Variants in ECT2 observed in about 807,000 individuals in gnomAD.
ECT2 encodes protein ECT2.
A neutral mutation model predicts 116.9 loss-of-function variants in ECT2; 61 were observed. That is an observed-to-expected ratio of 0.52 (90% CI 0.42 to 0.65). The LOEUF (loss-of-function observed/expected upper bound fraction) is 0.65. ECT2 is among the 30% of genes least tolerant of loss of function. The probability of loss-of-function intolerance (pLI) is 0.00; values close to 1 mark genes in which losing one functional copy is unlikely to be tolerated. For missense variants in ECT2, 937 were observed against 1,078.7 expected (o/e 0.87, Z 1.84); for synonymous variants, 358 against 346.4 (o/e 1.03, Z -0.37).
At chr3:172,764,706 G>A (rs191988260) in intron 12 of ECT2, among the ~76,000 whole-genome samples, 49 of 152,230 alleles carry the variant, frequency 3.2e-4, no homozygotes, top group Admixed American at 2.8e-3. Context: ...TGCTTTATAC[G>A]TTTTGTGTGT....
chr3:172,783,634 C>G (rs575406004), intron 15 of ECT2, among the ~76,000 whole-genome samples, 165 bp from the exon 16 acceptor site: 5 of 152,150 alleles, frequency 3.3e-5, no homozygotes, highest in African/African-American at 9.6e-5. Context: ...TAACTCTTTA[C>G]TGAGAAATTT....
At chr3:172,809,313 TATA>T (rs1728328554) in intron 22 of ECT2, among the ~76,000 whole-genome samples, 2 of 152,086 alleles carry the variant, frequency 1.3e-5, no homozygotes, top group Admixed American at 1.3e-4. Context: ...AGAACTGAAA[TATA>T]ATAACATATG....
chr3:172,757,251 T>G, intron 5 of ECT2, 86 bp downstream of exon 5: 1 of 1,069,624 alleles, frequency 9.3e-7, no homozygotes, highest in Non-Finnish European at 1.3e-6. Context: ...TGGAAAAATC[T>G]CATTGATTGC....
At chr3:172,773,701 G>A (rs969389938) in intron 13 of ECT2, among the ~76,000 whole-genome samples, 1 of 152,182 alleles carries the variant, frequency 6.6e-6, no homozygotes, top group African/African-American at 2.4e-5. Flanking sequence ...ACGAGCATAT[G>A]TATATACATA....
chr3:172,759,755 T>C (rs1275595939), intron 6 of ECT2, among the ~76,000 whole-genome samples: 1 of 152,176 alleles, frequency 6.6e-6, no homozygotes. Context: ...GAAAGTTCTT[T>C]CTTTGGTTCA....
chr3:172,811,189 G>T lies in ECT2; in HGVS notation c.2400+3265G>T, dbSNP rs542367641. 1.7e-3 allele frequency among the ~76,000 whole-genome samples: 264 copies of T among 152,158 alleles called. 5 individuals are homozygous for T. Among genetic ancestry groups the T allele is most frequent in the African/African-American group, 6.2e-3 (256 of 41,512 alleles). On this transcript the variant is annotated intron_variant, in intron 22 of 24. Transcript: ENST00000392692. Reference sequence around the variant, plus strand: ...ATTTAGGGAAATAGACTAAAAAGCAGAAAGTTTTTTGTCTTCGTTGTTTGT... The same window carrying T: ...ATTTAGGGAAATAGACTAAAAAGCATAAAGTTTTTTGTCTTCGTTGTTTGT...
rs1310889394 is a variant in ECT2 at position 172,816,795 on chromosome 3, T to C, written c.2613T>C (p.Asp871=). Residue 871 remains aspartate (D), a synonymous_variant, in exon 24 of 25, where the codon GAT becomes GAC. Coordinates refer to ENST00000392692, the MANE Select transcript of ECT2 (RefSeq NM_001258315.2). The part of the protein sequence containing the change: ...SVEGRSPSSN[D]KHVMSRLSST... ...AGGGAAGAAGTCCTTCCAGCAATGA[T>C]AAGCATGTAATGAGTCGTCTTTCTA... The C allele has an allele frequency of 1.2e-6, 2 of 1,609,388 alleles. No individual in the cohort carries two copies. The highest frequency in any genetic ancestry group is 1.1e-5 in the South Asian group (1 of 90,400).
intron 22 of ECT2, among the ~76,000 whole-genome samples, chr3:172,813,808 C>G (rs968471732): frequency 5.3e-5 from 8 of 151,980 alleles, no homozygotes; most frequent in Admixed American, 2.0e-4. Flanking sequence ...AGAGATTTGT[C>G]AGCTCTTCAT....
chr3:172,812,198 C>T (rs531915894), intron 22 of ECT2, among the ~76,000 whole-genome samples: 21 of 152,144 alleles, frequency 1.4e-4, no homozygotes, highest in Admixed American at 7.2e-4. Flanking sequence ...TGGCCAGCCA[C>T]GCTGGTCTTG....
chr3:172,813,014 C>G (rs894060366), intron 22 of ECT2, among the ~76,000 whole-genome samples: 2 of 152,010 alleles, frequency 1.3e-5, no homozygotes, highest in Non-Finnish European at 2.9e-5. Context: ...GAATCACATT[C>G]CTCAGTGCTT....
At chr3:172,773,334 C>G (rs1720999467) in intron 13 of ECT2, among the ~76,000 whole-genome samples, 1 of 151,936 alleles carries the variant, frequency 6.6e-6, no homozygotes, top group Non-Finnish European at 1.5e-5. Flanking sequence ...GTAAAATTGA[C>G]TTGTGTCTGT....
intron 8 of ECT2, among the ~76,000 whole-genome samples, chr3:172,762,151 T>G (rs1718432519): frequency 6.6e-6 from 1 of 152,096 alleles, no homozygotes; most frequent in African/African-American, 2.4e-5. Context: ...ACAGTACATA[T>G]AAATCTTCAA....
At position 172,757,104 on chromosome 3, in the gene ECT2, A is replaced by C. The variant is rs748252196; in HGVS notation, c.425A>C (p.Tyr142Ser). The C allele has an allele frequency of 9.4e-6, 15 of 1,597,264 alleles. No homozygotes were observed. The highest frequency in any genetic ancestry group is 1.3e-5 in the Non-Finnish European group (15 of 1,174,176). ...DFQDSVFNDLYKADCRVIGPP... is the reference protein window; with the variant it reads ...DFQDSVFNDLSKADCRVIGPP... ...CAGGATTCTGTCTTTAATGACCTCT[A>C]CAAGGCTGATTGTAGAGTTATTGGA... Residue 142 changes from tyrosine to serine, a missense_variant, in exon 5 of 25, where the codon TAC (tyrosine) becomes TCC (serine). Physicochemically the swap from Tyr to Ser is moderately radical, Grantham distance 144. Transcript: ENST00000392692.
rs753347607 is a variant in ECT2, at chr3:172,803,005, A to G, written c.2106+25A>G. 7.6e-6 allele frequency: 12 copies of G among 1,572,108 alleles called. No individual in the cohort carries two copies. In the Admixed American group the frequency reaches 9.5e-5, roughly 12 times the overall value. The stretch of plus-strand genomic sequence containing the variant: ...GGTAAAGATGTACTTCACATAGTAT[A>G]ATAACACTACTGATTTTTGTAAGTT... On this transcript the variant is annotated intron_variant, in intron 20 of 24. Transcript: ENST00000392692.
intron 17 of ECT2, among the ~76,000 whole-genome samples, chr3:172,785,478 G>T (rs1723448398): frequency 6.6e-6 from 1 of 150,970 alleles, no homozygotes; most frequent in African/African-American, 2.4e-5. Flanking sequence ...TTGGAGACCA[G>T]CCTGGGCAAC....
chr3:172,779,893 C>T (rs1053038340), intron 14 of ECT2, among the ~76,000 whole-genome samples: 17 of 133,486 alleles, frequency 1.3e-4, no homozygotes, highest in Admixed American at 2.1e-4. Flanking sequence ...GAGACCCTGT[C>T]TCAAAAAAAA....
At chr3:172,756,779 T>C (rs960986207) in intron 4 of ECT2, among the ~76,000 whole-genome samples, 1 of 152,200 alleles carries the variant, frequency 6.6e-6, no homozygotes, top group Non-Finnish European at 1.5e-5. Context: ...AATGGAGATA[T>C]GTATATGTAA....
At chr3:172,797,057 G>A (rs939810882) in intron 18 of ECT2, among the ~76,000 whole-genome samples, 5 of 60,036 alleles carry the variant, frequency 8.3e-5, no homozygotes, top group Middle Eastern at 0.011. Flanking sequence ...TGTGTGTCAG[G>A]GTCTCATTCT....
At chr3:172,795,146 TCTTTTTGATGCTATTGTAACA>T in intron 18 of ECT2, among the ~76,000 whole-genome samples, 1 of 152,202 alleles carries the variant, frequency 6.6e-6, no homozygotes, top group Non-Finnish European at 1.5e-5. Flanking sequence ...AGTATTCTAT[TCTTTTTGATGCTATTGTAACA>T]CAAAAATTAG....
Sources: gnomAD v4.1 joint callset for allele counts (sites outside exome capture counted in the v4.1 genomes callset) on GRCh38, gnomAD v4.1.1 for gene constraint, MANE v1.5 for transcripts, NCBI Gene and HGNC (gene_info 2026-07-23, HGNC 2026-07-21) for gene names.